The following TBCEL variants were observed in gnomAD, a reference collection of about 807,000 sequenced individuals.
TBCEL encodes tubulin folding cofactor E like, also known as tubulin-specific chaperone cofactor E-like protein.
Under a neutral mutation model 44.2 loss-of-function variants are expected in TBCEL, and 15 were observed. That is an observed-to-expected ratio of 0.34 (90% confidence interval 0.23 to 0.52). The LOEUF is 0.52. TBCEL is among the 20% of genes least tolerant of loss of function. The pLI, the probability that TBCEL is intolerant of heterozygous loss-of-function variation, is 0.95. For synonymous variants in TBCEL, 171 were observed against 185.4 expected, an observed-to-expected ratio of 0.92 and a Z score of 0.63; for missense variants, 319 against 506.3, an observed-to-expected ratio of 0.63 and a Z score of 3.55.
intron 8 of TBCEL, among the ~76,000 whole-genome samples, chr11:121,084,780 A>T (rs1946186160): frequency 6.6e-6 from 1 of 151,978 alleles, no homozygotes; most frequent in South Asian, 2.1e-4. Context: ...AGATTTTGTT[A>T]AATTTTCATA....
intron 8 of TBCEL, 146 bp downstream of exon 8, chr11:121,060,231 A>G (rs1945696033): frequency 3.3e-6 from 2 of 611,042 alleles, no homozygotes; most frequent in Middle Eastern, 2.6e-4. Flanking sequence ...GAAACACAAG[A>G]GCAAACCTAT....
At chr11:121,076,183 A>G (rs58204590) in intron 8 of TBCEL, among the ~76,000 whole-genome samples, 30,869 of 151,746 alleles carry the variant, frequency 0.2, 3,246 homozygotes, top group East Asian at 0.32. Context: ...CCTTACATAT[A>G]AATATTAGGA....
chr11:121,082,556 C>T (rs1037986347), intron 8 of TBCEL, among the ~76,000 whole-genome samples: 3 of 152,164 alleles, frequency 2.0e-5, no homozygotes, highest in Admixed American at 6.5e-5. Context: ...ATGGGTATTA[C>T]GTGATTTTAA....
chr11:121,028,743 TG>T (rs1205461753), intron 1 of TBCEL, among the ~76,000 whole-genome samples: 2 of 152,236 alleles, frequency 1.3e-5, no homozygotes, highest in Admixed American at 1.3e-4. Flanking sequence ...GATCAGTCAT[TG>T]TTAACAAACA....
intron 6 of TBCEL, among the ~76,000 whole-genome samples, chr11:121,056,892 A>T (rs1161343005): frequency 6.6e-6 from 1 of 151,660 alleles, no homozygotes; most frequent in African/African-American, 2.4e-5. Flanking sequence ...TCTTTATGAG[A>T]TATGTCTTCT....
intron 2 of TBCEL, among the ~76,000 whole-genome samples, chr11:121,040,282 G>C (rs562052970): frequency 6.6e-6 from 1 of 152,208 alleles, no homozygotes; most frequent in East Asian, 1.9e-4. Context: ...GGTCAAATTT[G>C]GGTAATTTGG....
At chr11:121,057,176 A>T (rs1945637292) in intron 6 of TBCEL, among the ~76,000 whole-genome samples, 1 of 151,842 alleles carries the variant, frequency 6.6e-6, no homozygotes, top group Non-Finnish European at 1.5e-5. Flanking sequence ...GGATGAGGAT[A>T]GTTGTGACTT....
chr11:121,045,014 T>A (rs78201421), intron 2 of TBCEL, among the ~76,000 whole-genome samples: 1 of 152,148 alleles, frequency 6.6e-6, no homozygotes, highest in African/African-American at 2.4e-5. Context: ...CAGCAATTCG[T>A]CCCACTTTTC....
chr11:121,058,594 A>C, intron 7 of TBCEL, 123 bp downstream of exon 7: 1 of 1,252,526 alleles, frequency 8.0e-7, no homozygotes, highest in South Asian at 1.3e-5. Context: ...ACTGTGCTTG[A>C]GGGAGCTGCC....
intron 1 of TBCEL, among the ~76,000 whole-genome samples, chr11:121,024,808 C>G (rs548862880): frequency 6.6e-6 from 1 of 152,138 alleles, no homozygotes; most frequent in Non-Finnish European, 1.5e-5. Context: ...GGACATTAGG[C>G]CTGCTCTTAC....
chr11:121,055,007 A>ATTACT (rs778395581), intron 5 of TBCEL, 45 bp from the exon 6 acceptor site: 2 of 1,403,440 alleles, frequency 1.4e-6, no homozygotes, highest in African/African-American at 1.5e-5. Context: ...TAAAGTAGAA[A>ATTACT]TTAAACTGCT....
chr11:121,040,900 C>T (rs183704658), intron 2 of TBCEL, among the ~76,000 whole-genome samples: 9 of 152,270 alleles, frequency 5.9e-5, no homozygotes, highest in Admixed American at 5.9e-4. Flanking sequence ...ACTGTCGATA[C>T]TACTTTTATT....
Position 121,085,740 on chromosome 11 carries a change from A to T in TBCEL, c.957-1038A>T, listed in dbSNP as rs78130824. Among the ~76,000 whole-genome samples, 703 of 152,088 alleles carry T rather than the reference A, an allele frequency of 4.6e-3. 7 individuals carry two copies. Among genetic ancestry groups the T allele is most frequent in the African/African-American group, 0.016 (652 of 41,464 alleles). ...CCATGCTGGTCACACTCCTGGGCTCAAGTGATTCTTCCCCTTGGGCTTCCC... is the reference window on the plus strand; with the variant it reads ...CCATGCTGGTCACACTCCTGGGCTCTAGTGATTCTTCCCCTTGGGCTTCCC... On this transcript the variant is annotated intron_variant, in intron 8 of 8. Transcript: ENST00000683345.
intron 1 of TBCEL, among the ~76,000 whole-genome samples, chr11:121,024,950 G>C (rs1945020315): frequency 1.3e-5 from 2 of 152,186 alleles, no homozygotes; most frequent in East Asian, 1.9e-4. Flanking sequence ...TGGGATCTTG[G>C]GGGAAGTAAG....
At chr11:121,037,810 G>A (rs1945259113) in intron 2 of TBCEL, among the ~76,000 whole-genome samples, 1 of 152,100 alleles carries the variant, frequency 6.6e-6, no homozygotes, top group Non-Finnish European at 1.5e-5. Flanking sequence ...TGGTGTGGAT[G>A]TGGCTCTGTG....
At chr11:121,075,489 TG>T (rs1946016519) in intron 8 of TBCEL, among the ~76,000 whole-genome samples, 1 of 152,022 alleles carries the variant, frequency 6.6e-6, no homozygotes, top group Non-Finnish European at 1.5e-5. Context: ...ATATAAATTT[TG>T]GGCTAATTTA....
Position 121,055,286 on chromosome 11 carries a change from A to G in TBCEL, c.690A>G (p.Arg230=). Residue 230 remains arginine, a synonymous_variant, in exon 6 of 9, where the codon CGA becomes CGG. Coordinates refer to ENST00000683345, the MANE Select transcript of TBCEL (RefSeq NM_001363644.2). ...TGGCCAGGTTGTTTCCTAATCTTCG[A>G]TCCATCAGCCTCCACAAGTCAGGTG... The part of the protein sequence containing the change: ...DSLARLFPNL[R]SISLHKSGLQ... 1 of 1,609,976 alleles carries G rather than the reference A, an allele frequency of 6.2e-7. No homozygotes were observed. The highest frequency in any genetic ancestry group is 8.5e-7 in the Non-Finnish European group (1 of 1,177,912).
chr11:121,084,413 G>T (rs1265485700), intron 8 of TBCEL, among the ~76,000 whole-genome samples: 1 of 152,040 alleles, frequency 6.6e-6, no homozygotes, highest in Non-Finnish European at 1.5e-5. Flanking sequence ...GAGTTTTGTG[G>T]AGTGTTTTCT....
chr11:121,031,667 T>C lies in TBCEL; in HGVS notation c.-125-4838T>C, dbSNP rs1231796738. On this transcript the variant is annotated intron_variant, in intron 1 of 8. Transcript: ENST00000683345. Reference sequence around the variant, plus strand: ...AAAGTATTTCTTTTTTCTTTCTTTTTTTTTTTTTTTTTTTTTGAGACGGGG... The same window carrying C: ...AAAGTATTTCTTTTTTCTTTCTTTTCTTTTTTTTTTTTTTTTGAGACGGGG... Among the ~76,000 whole-genome samples the C allele has an allele frequency of 9.2e-3, 1,325 of 143,936 alleles. 4 individuals carry two copies. The highest frequency in any genetic ancestry group is 0.016 in the Non-Finnish European group (1,033 of 65,466). 94.4% of individuals were successfully genotyped at this position (143,936 alleles called of 152,430 possible).
Sources: allele counts gnomAD v4.1 joint callset (sites outside exome capture counted in the v4.1 genomes callset), GRCh38; gene constraint gnomAD v4.1.1; transcripts MANE v1.5; gene names NCBI Gene and HGNC (gene_info 2026-07-23, HGNC 2026-07-21).